Variants in MYO5A observed in about 807,000 individuals in gnomAD.
MYO5A encodes the protein myosin VA.
MYO5A carries 98 observed loss-of-function variants against 249.7 expected under a neutral mutation model. That is an observed-to-expected ratio of 0.39 (90% CI 0.33 to 0.46). The LOEUF (loss-of-function observed/expected upper bound fraction) is 0.46, where lower values mean the gene tolerates loss of function less well. Among genes scored for constraint, MYO5A ranks in the 20% least tolerant of loss-of-function variants. MYO5A has a pLI of 0.98. For missense variants in MYO5A, 1,696 were observed against 2,308.8 expected (o/e 0.73, Z 5.44); for synonymous variants, 778 against 810.6 (o/e 0.96, Z 0.68).
At chr15:52,339,781 G>C (rs2039295147) in intron 32 of MYO5A, among the ~76,000 whole-genome samples, 1 of 152,224 alleles carries the variant, frequency 6.6e-6, no homozygotes, top group African/African-American at 2.4e-5. Flanking sequence ...TTGTCTGCTA[G>C]AGGTGGAGCC....
intron 36 of MYO5A, among the ~76,000 whole-genome samples, chr15:52,324,741 ATTTTTT>A (rs951745353): frequency 6.6e-6 from 1 of 151,382 alleles, no homozygotes; most frequent in Admixed American, 6.6e-5. Flanking sequence ...TCATTATATC[ATTTTTT>A]TTTAAGTAAA....
intron 6 of MYO5A, among the ~76,000 whole-genome samples, chr15:52,408,417 G>C (rs534727442): frequency 3.3e-5 from 5 of 150,436 alleles, no homozygotes; most frequent in African/African-American, 1.2e-4. Flanking sequence ...ACAATCATAA[G>C]ATAATCAGTG....
chr15:52,351,235 A>G lies in MYO5A; in HGVS notation c.3849+19T>C, dbSNP rs771016942. On this transcript the variant is annotated intron_variant, in intron 28 of 41. Coordinates refer to ENST00000399233, the MANE Select transcript of MYO5A (RefSeq NM_001382347.1). ...GGCCAGTCCCCGAACACCCAGTTTA[A>G]TTGTGTGCTTGCGCTTACCTTGGGT... 3.1e-6 allele frequency: 5 copies of G among 1,607,448 alleles called. No homozygotes were observed. Among genetic ancestry groups the G allele is most frequent in the Admixed American group, 1.7e-5 (1 of 59,560 alleles).
chr15:52,368,219 C>T (rs1239308478), intron 22 of MYO5A, among the ~76,000 whole-genome samples: 1 of 152,192 alleles, frequency 6.6e-6, no homozygotes, highest in Admixed American at 6.5e-5. Context: ...GTGCCACACA[C>T]AGCAGACATC....
intron 1 of MYO5A, among the ~76,000 whole-genome samples, chr15:52,498,948 A>G (rs535004523): frequency 6.6e-6 from 1 of 152,348 alleles, no homozygotes; most frequent in East Asian, 1.9e-4. Context: ...TGGCTCAGGA[A>G]TGTAGTCAGG....
intron 39 of MYO5A, 69 bp from the exon 40 acceptor site, chr15:52,317,291 G>A (rs1195019986): frequency 1.4e-6 from 2 of 1,471,472 alleles, no homozygotes; most frequent in African/African-American, 2.8e-5. Flanking sequence ...TAATTTTTTT[G>A]TGTGCGGCCT....
At chr15:52,371,862 C>G (rs2041134478) in intron 21 of MYO5A, among the ~76,000 whole-genome samples, 1 of 148,354 alleles carries the variant, frequency 6.7e-6, no homozygotes, top group Admixed American at 6.8e-5. Flanking sequence ...AGAGTGAGAC[C>G]CTGTCTCAAA....
chr15:52,407,796 C>T (rs965862383), intron 7 of MYO5A, among the ~76,000 whole-genome samples: 4 of 151,790 alleles, frequency 2.6e-5, no homozygotes, highest in Non-Finnish European at 5.9e-5. Context: ...AGTAGAGAGA[C>T]TAATAGAATG....
At chr15:52,401,550 A>G (rs1297958137) in intron 9 of MYO5A, among the ~76,000 whole-genome samples, 1 of 152,090 alleles carries the variant, frequency 6.6e-6, no homozygotes, top group African/African-American at 2.4e-5. Context: ...ATTAATTGCT[A>G]TTTCTTCAAG....
chr15:52,502,944 T>C (rs1258170668), intron 1 of MYO5A, among the ~76,000 whole-genome samples: 2 of 152,172 alleles, frequency 1.3e-5, no homozygotes, highest in African/African-American at 2.4e-5. Flanking sequence ...AAATATCACA[T>C]GTTCTCATTC....
chr15:52,338,444 A>G (rs993514153), intron 32 of MYO5A, among the ~76,000 whole-genome samples: 2 of 152,118 alleles, frequency 1.3e-5, no homozygotes, highest in African/African-American at 2.4e-5. Flanking sequence ...GGTGGTAGGT[A>G]GGTGGGCAAG....
At chr15:52,473,220 C>T (rs565027465) in intron 1 of MYO5A, among the ~76,000 whole-genome samples, 10 of 152,262 alleles carry the variant, frequency 6.6e-5, no homozygotes, top group African/African-American at 1.7e-4. Context: ...TCATATCCTT[C>T]GCCCAGTTTT....
At chr15:52,355,725 A>G (rs2040187291) in intron 25 of MYO5A, among the ~76,000 whole-genome samples, 1 of 152,214 alleles carries the variant, frequency 6.6e-6, no homozygotes, top group African/African-American at 2.4e-5. Context: ...TAAGTAATGT[A>G]GAGATGATTT....
At chr15:52,510,049 A>G (rs2077357825) in intron 1 of MYO5A, among the ~76,000 whole-genome samples, 1 of 152,252 alleles carries the variant, frequency 6.6e-6, no homozygotes, top group South Asian at 2.1e-4. Flanking sequence ...ATGGCAGTGA[A>G]GAATGAAAAC....
chr15:52,317,726 G>T (rs926036574), intron 39 of MYO5A, among the ~76,000 whole-genome samples: 1 of 152,206 alleles, frequency 6.6e-6, no homozygotes, highest in Non-Finnish European at 1.5e-5. Context: ...AGGAGATGAA[G>T]ATGGTGGCCT....
At chr15:52,403,970 G>A (rs2141211094) in intron 9 of MYO5A, among the ~76,000 whole-genome samples, 1 of 152,184 alleles carries the variant, frequency 6.6e-6, no homozygotes, top group Admixed American at 6.5e-5. Context: ...TAATAAATAA[G>A]TTACAGGGCT....
At chr15:52,356,739 T>A (rs945930203) in intron 25 of MYO5A, among the ~76,000 whole-genome samples, 8 of 143,066 alleles carry the variant, frequency 5.6e-5, no homozygotes, top group African/African-American at 2.1e-4. Flanking sequence ...AAAAAAAAAA[T>A]TAGCTCAGTT....
At chr15:52,457,439 A>AG (rs2076141433) in intron 1 of MYO5A, among the ~76,000 whole-genome samples, 1 of 151,248 alleles carries the variant, frequency 6.6e-6, no homozygotes, top group Admixed American at 6.6e-5. Context: ...AAAAAAAAAA[A>AG]GTAGACAAAG....
In MYO5A at chr15:52,387,817, A is replaced by G; in HGVS notation, c.1752+12T>C. 2 of 1,563,910 alleles carry G rather than the reference A, an allele frequency of 1.3e-6. No individual in the cohort carries two copies. Reference sequence around the variant, plus strand: ...ATACATCCTGGATTAGAGTAAGCCTATCCATAGTTACCTTGCTTGATTTAA... The same window carrying G: ...ATACATCCTGGATTAGAGTAAGCCTGTCCATAGTTACCTTGCTTGATTTAA... On this transcript the variant is annotated intron_variant, in intron 14 of 41. Transcript: ENST00000399233.
Sources: allele counts gnomAD v4.1 joint callset (sites outside exome capture counted in the v4.1 genomes callset), GRCh38; gene constraint gnomAD v4.1.1; transcripts MANE v1.5; gene names NCBI Gene and HGNC (gene_info 2026-07-23, HGNC 2026-07-21).